Variants in FGF13 observed in about 807,000 individuals in gnomAD.
The protein encoded by FGF13 is fibroblast growth factor 13.
FGF13 carries 2 observed loss-of-function variants against 19.5 expected under a neutral mutation model. The ratio of observed to expected loss-of-function variants is 0.10; its 90% CI spans 0.04 to 0.32. The LOEUF is 0.32. Among genes scored for constraint, FGF13 ranks in the 10% least tolerant of loss-of-function variants. The pLI is 1.00. For missense variants in FGF13, 113 were observed against 192.7 expected (o/e 0.59, Z 2.45); for synonymous variants, 72 against 76.9 (o/e 0.94, Z 0.33).
intron 1 of FGF13, among the ~76,000 whole-genome samples, chrX:138,948,974 A>G (rs910451585): frequency 1.8e-5 from 2 of 111,940 alleles, no homozygotes; most frequent in Non-Finnish European, 3.8e-5. Flanking sequence ...TTGACACAAC[A>G]ACTCTATTAG....
At chrX:139,068,863 T>A (rs1277651352) in intron 1 of FGF13, among the ~76,000 whole-genome samples, 1 of 111,498 alleles carries the variant, frequency 9.0e-6, no homozygotes, top group East Asian at 2.8e-4. Flanking sequence ...CATGAAAAAA[T>A]GCTCATCATC....
intron 1 of FGF13, among the ~76,000 whole-genome samples, chrX:139,121,237 G>C (rs1212070709): frequency 8.9e-6 from 1 of 111,889 alleles, no homozygotes; most frequent in Non-Finnish European, 1.9e-5. Flanking sequence ...AATGTTTATA[G>C]TGTTTTCTTG....
chrX:139,148,134 G>A (rs1280941411), intron 1 of FGF13, among the ~76,000 whole-genome samples: 3 of 111,018 alleles, frequency 2.7e-5, no homozygotes, highest in Non-Finnish European at 5.7e-5. Flanking sequence ...GGCTTATGGA[G>A]GGCTTTGTAC....
chrX:139,162,441 G>C (rs1360938317), intron 1 of FGF13, among the ~76,000 whole-genome samples: 5 of 112,206 alleles, frequency 4.5e-5, no homozygotes, highest in Middle Eastern at 9.1e-3. Flanking sequence ...GAACACCCTA[G>C]AAGAAAACCT....
At chrX:138,910,290 C>A (rs751490490) in intron 1 of FGF13, among the ~76,000 whole-genome samples, 2 of 110,844 alleles carry the variant, frequency 1.8e-5, no homozygotes, top group Non-Finnish European at 1.9e-5. Context: ...AAAGAGCAAC[C>A]CATAAGATTG....
Position 138,627,361 on chromosome X carries a change from C to T in FGF13, c.*5489G>A, listed in dbSNP as rs536584073. ...AGCATTAAAAACAAATTATTAAGAG[C>T]GTACACATTATTACAGTACAAAATA... is the stretch of plus-strand genomic sequence containing the variant. On this transcript the variant is annotated 3_prime_UTR_variant, in exon 5 of 5. Coordinates refer to ENST00000315930, the MANE Select transcript of FGF13 (RefSeq NM_004114.5). 4.2e-4 allele frequency: 47 copies of T among 111,584 alleles called. No homozygotes were observed. Among genetic ancestry groups the T allele is most frequent in the Middle Eastern group, 4.7e-3 (1 of 214 alleles). The allele number at this position is 111,584 out of a possible 1,213,427, so 9.2% of individuals were successfully genotyped here. A position where few individuals can be genotyped will look rare whatever the true frequency, so the allele number is the denominator to read the frequency against.
chrX:138,648,626 T>C (rs2124124025), intron 3 of FGF13, among the ~76,000 whole-genome samples: 1 of 111,817 alleles, frequency 8.9e-6, no homozygotes, highest in South Asian at 3.8e-4. Flanking sequence ...TTCTGCAGTA[T>C]TATTTTTTTT....
At position 138,644,860 on chromosome X, in the gene FGF13, A is replaced by G. The variant is rs1253119981; in HGVS notation, c.403-9205T>C. On this transcript the variant is annotated intron_variant, in intron 3 of 4. Coordinates refer to ENST00000315930, the MANE Select transcript of FGF13 (RefSeq NM_004114.5). ...TATAAACCAAGGATTTGAATGGATG[A>G]GAATGGTGCTGCAGAGGACTATTAA... Among the ~76,000 whole-genome samples the G allele has an allele frequency of 2.7e-5, 3 of 112,286 alleles. No individual in the cohort carries two copies. The East Asian group carries it at 8.4e-4, about 32-fold the overall frequency.
chrX:139,089,096 T>C (rs1021854042), intron 1 of FGF13, among the ~76,000 whole-genome samples: 2 of 112,045 alleles, frequency 1.8e-5, no homozygotes, highest in African/African-American at 3.2e-5. Context: ...GCAGCCCAAA[T>C]GGACTAAGAC....
At chrX:138,857,624 G>T in exon 3 of FGF13, 6 of 1,208,811 alleles carry the variant, frequency 5.0e-6, no homozygotes, top group Non-Finnish European at 6.7e-6. Flanking sequence ...CAGATTGGAT[G>T]GAATCTTGTC....
intron 1 of FGF13, among the ~76,000 whole-genome samples, chrX:139,060,189 A>C (rs768577403): frequency 3.6e-5 from 4 of 111,390 alleles, no homozygotes; most frequent in Non-Finnish European, 7.5e-5. Flanking sequence ...AGCCTTCCAA[A>C]TCACTAAAAT....
At chrX:138,714,744 G>A (rs1435593098), upstream of FGF13, 3 of 111,728 alleles carry the variant, frequency 2.7e-5, no homozygotes, top group Non-Finnish European at 5.6e-5. Context: ...TTTCAGAGAC[G>A]AATGTGAATA....
At chrX:138,651,983 T>C (rs942903079) in intron 3 of FGF13, among the ~76,000 whole-genome samples, 3 of 111,585 alleles carry the variant, frequency 2.7e-5, no homozygotes, top group Non-Finnish European at 5.7e-5. Flanking sequence ...ACTCTACACC[T>C]CCCAATAGCT....
In FGF13 at chrX:139,005,758, G is replaced by C. The variant is rs867252292; in HGVS notation, c.-112-141108C>G. Among the ~76,000 whole-genome samples, 5 of 105,244 alleles carry C rather than the reference G, an allele frequency of 4.8e-5. No homozygotes were observed. The Middle Eastern group carries it at 0.015, about 314-fold the overall frequency. The allele number at this position is 105,244 out of a possible 115,157, so 91.4% of individuals were successfully genotyped here. On this transcript the variant is annotated intron_variant, in intron 1 of 2. Coordinates refer to the FGF13 transcript ENST00000421460. The stretch of plus-strand genomic sequence containing the variant: ...TATTGAAATAAACAAAAAAAAACCA[G>C]AAATTCTAAAGTTTAAAAATGGAGT...
chrX:138,923,102 CATTTCTATCTACTAT>C lies in FGF13; in HGVS notation c.-112-58467_-112-58453del, dbSNP rs2091655234. On this transcript the variant is annotated intron_variant, in intron 1 of 2. Transcript: ENST00000421460. The stretch of plus-strand genomic sequence containing the variant: ...GTCCCAGGACTTTGAAATAAAAATA[CATTTCTATCTACTAT>C]ATTCACATTCTATGAAACCATCAGA... 8.9e-5 allele frequency among the ~76,000 whole-genome samples: 10 copies of C among 112,293 alleles called. 1 individual carries two copies. The South Asian group carries it at 3.7e-3, about 41-fold the overall frequency.
intron 3 of FGF13, among the ~76,000 whole-genome samples, chrX:138,758,729 GAAGT>G (rs1427460171): frequency 4.5e-5 from 5 of 112,228 alleles, no homozygotes; most frequent in Non-Finnish European, 7.5e-5. Flanking sequence ...AAAACTGTCA[GAAGT>G]AAGAAAATTT....
intron 3 of FGF13, among the ~76,000 whole-genome samples, chrX:138,789,340 C>T (rs1439171526): frequency 9.4e-6 from 1 of 106,363 alleles, no homozygotes; most frequent in Non-Finnish European, 1.9e-5. Context: ...AGCTAATTTC[C>T]GTATTTTTTT....
At chrX:139,171,616 C>A (rs2084133684) in intron 1 of FGF13, among the ~76,000 whole-genome samples, 1 of 111,193 alleles carries the variant, frequency 9.0e-6, no homozygotes, top group East Asian at 2.8e-4. Context: ...TAATGACTTT[C>A]ATTTTGTAAA....
chrX:138,879,696 C>T (rs2091412490), intron 1 of FGF13, among the ~76,000 whole-genome samples: 1 of 107,045 alleles, frequency 9.3e-6, no homozygotes, highest in African/African-American at 3.4e-5. Flanking sequence ...GTGTGATGTT[C>T]CCTTCCCTGT....
Sources: allele counts gnomAD v4.1 joint callset (sites outside exome capture counted in the v4.1 genomes callset), GRCh38; gene constraint gnomAD v4.1.1; transcripts MANE v1.5; gene names NCBI Gene and HGNC (gene_info 2026-07-23, HGNC 2026-07-21).